PHKA1: variants seen among roughly 807,000 people sequenced by gnomAD.
The protein encoded by PHKA1 is phosphorylase kinase regulatory subunit alpha 1.
Under a neutral mutation model 110.2 loss-of-function variants are expected in PHKA1, and 60 were observed. The observed-to-expected ratio is 0.54, with a 90% CI of 0.44 to 0.68. PHKA1 has a LOEUF of 0.68. Ranked by LOEUF, PHKA1 falls within the 30% of genes least tolerant of loss-of-function variation. The pLI, the probability that PHKA1 is intolerant of heterozygous loss-of-function variation, is 0.00. For missense variants in PHKA1, 801 were observed against 942.5 expected (o/e 0.85, Z 1.97); for synonymous variants, 316 against 333.6 (o/e 0.95, Z 0.58).
At chrX:72,710,847 T>A (rs1372122210) in intron 2 of PHKA1, among the ~76,000 whole-genome samples, 6 of 97,197 alleles carry the variant, frequency 6.2e-5, no homozygotes, top group African/African-American at 2.2e-4. Context: ...TTTATTTTTT[T>A]TTTTATTTTT....
chrX:72,656,916 T>C (rs2053503805), intron 9 of PHKA1, among the ~76,000 whole-genome samples: 1 of 111,367 alleles, frequency 9.0e-6, no homozygotes, highest in Non-Finnish European at 1.9e-5. Flanking sequence ...AGAAGTCAAA[T>C]TCAAGGCTAA....
At chrX:72,705,082 T>C in intron 3 of PHKA1, 116 bp downstream of exon 3, 1 of 574,315 alleles carries the variant, frequency 1.7e-6, no homozygotes, top group East Asian at 4.3e-5. Flanking sequence ...TTTCTAAAAT[T>C]AGTGTGTACT....
chrX:72,601,895 CTTG>C lies in PHKA1; in HGVS notation c.3072+93_3072+95del, dbSNP rs781954080. The C allele has an allele frequency of 1.7e-3, 1,095 of 625,852 alleles. 12 individuals are homozygous for C. In the Middle Eastern group the frequency reaches 0.022, roughly 12 times the overall value. The allele number at this position is 625,852 out of a possible 1,213,427, so 51.6% of individuals were successfully genotyped here. ...GCGATTCAAACAATCTACTCCATGACTTGTTATCTTATTTGTAAAAAGGCCATG... is the reference window on the plus strand; with the variant it reads ...GCGATTCAAACAATCTACTCCATGACTTATCTTATTTGTAAAAAGGCCATG... On this transcript the variant is annotated intron_variant, in intron 28 of 31. Transcript: ENST00000373542.
chrX:72,586,720 T>G (rs2052436125), intron 29 of PHKA1, among the ~76,000 whole-genome samples: 1 of 109,394 alleles, frequency 9.1e-6, no homozygotes, highest in African/African-American at 3.3e-5. Context: ...GAATAAACAG[T>G]GGAGAGAAGA....
chrX:72,668,086 G>A (rs782156894), intron 6 of PHKA1, among the ~76,000 whole-genome samples: 2 of 111,723 alleles, frequency 1.8e-5, no homozygotes, highest in South Asian at 3.7e-4. Flanking sequence ...CTATAATAAA[G>A]TATATTTAGC....
chrX:72,668,795 A>G (rs1222514910), intron 6 of PHKA1, among the ~76,000 whole-genome samples: 1 of 111,757 alleles, frequency 8.9e-6, no homozygotes, highest in African/African-American at 3.3e-5. Context: ...CCATAGCCTC[A>G]AAGTCTTAAT....
At position 72,671,393 on chromosome X, in the gene PHKA1, C is replaced by T. The variant is rs1294270389; in HGVS notation, c.619-3920G>A. Among the ~76,000 whole-genome samples, 4 of 110,734 alleles carry T rather than the reference C, an allele frequency of 3.6e-5. No individual in the cohort carries two copies. The East Asian group carries it at 8.4e-4, about 23-fold the overall frequency. On this transcript the variant is annotated intron_variant, in intron 6 of 31. Coordinates refer to ENST00000373542, the MANE Select transcript of PHKA1 (RefSeq NM_002637.4). ...CCAACTTACAAGGGATGTGAAGGAC[C>T]TCTTCAAGGAGAACTACAAACCACT...
Position 72,605,628 on chromosome X carries a change from A to G in PHKA1, c.2607-9T>C. On this transcript the variant is annotated splice_polypyrimidine_tract_variant and intron_variant, in intron 23 of 31. Coordinates refer to ENST00000373542, the MANE Select transcript of PHKA1 (RefSeq NM_002637.4). ...CCTCATAGGGCAGAGGTCTAAGGAAAAAGACAGCAAAGAAAGACAATATTC... is the reference window on the plus strand; with the variant it reads ...CCTCATAGGGCAGAGGTCTAAGGAAGAAGACAGCAAAGAAAGACAATATTC... 1 of 1,153,340 alleles carries G rather than the reference A, an allele frequency of 8.7e-7. No homozygotes were observed. The highest frequency in any genetic ancestry group is 3.0e-5 in the East Asian group (1 of 33,634).
At chrX:72,662,764 A>G (rs1556304767) in intron 8 of PHKA1, among the ~76,000 whole-genome samples, 1 of 111,787 alleles carries the variant, frequency 8.9e-6, no homozygotes, top group Non-Finnish European at 1.9e-5. Context: ...AGCCTAGGCC[A>G]TTGAGGTACT....
chrX:72,581,202 C>A, intron 31 of PHKA1, 27 bp from the exon 32 acceptor site: 1 of 1,049,253 alleles, frequency 9.5e-7, no homozygotes, highest in Non-Finnish European at 1.3e-6. Context: ...GGTAGAAGAA[C>A]ATAGGGGAAA....
intron 2 of PHKA1, among the ~76,000 whole-genome samples, chrX:72,709,916 G>A (rs1556333797): frequency 1.8e-5 from 2 of 108,517 alleles, no homozygotes; most frequent in African/African-American, 6.7e-5. Context: ...GGTGGTGCAC[G>A]CCTGTGATCC....
At chrX:72,584,726 A>C (rs2052390335) in intron 29 of PHKA1, among the ~76,000 whole-genome samples, 1 of 106,932 alleles carries the variant, frequency 9.4e-6, no homozygotes, top group Admixed American at 1.1e-4. Flanking sequence ...AGTGAGCAAA[A>C]GTTTTCCTTT....
intron 6 of PHKA1, among the ~76,000 whole-genome samples, chrX:72,671,003 G>A (rs1273945989): frequency 1.3e-4 from 14 of 111,698 alleles, no homozygotes; most frequent in African/African-American, 4.6e-4. Context: ...AAAACAGGAA[G>A]CATTCCCTTT....
At chrX:72,634,276 A>C (rs951695086) in intron 16 of PHKA1, among the ~76,000 whole-genome samples, 1 of 111,995 alleles carries the variant, frequency 8.9e-6, no homozygotes, top group African/African-American at 3.2e-5. Context: ...AGAAAGACAA[A>C]GAGAAGAAAG....
intron 1 of PHKA1, 101 bp downstream of exon 1, chrX:72,713,682 ACACACACACACACACACACC>A (rs2054417768): frequency 7.1e-6 from 4 of 562,812 alleles, no homozygotes; most frequent in Non-Finnish European, 1.2e-5. Context: ...ACACACACAC[ACACACACACACACACACACC>A]CACACACGCA....
At chrX:72,609,730 G>A (rs143919915) in intron 22 of PHKA1, 27 bp from the exon 23 acceptor site, 30 of 1,069,321 alleles carry the variant, frequency 2.8e-5, no homozygotes, top group African/African-American at 7.3e-5. Flanking sequence ...TAATATTATC[G>A]TTTCTGTAAC....
chrX:72,643,391 T>C (rs1395364504), intron 14 of PHKA1, among the ~76,000 whole-genome samples: 1 of 111,883 alleles, frequency 8.9e-6, no homozygotes, highest in Non-Finnish European at 1.9e-5. Context: ...CTATTGGTTC[T>C]ATAACAAATT....
intron 13 of PHKA1, among the ~76,000 whole-genome samples, chrX:72,648,254 G>A (rs2053384870): frequency 9.0e-6 from 1 of 111,590 alleles, no homozygotes; most frequent in Admixed American, 9.5e-5. Context: ...ACATCAGAAG[G>A]AAGACTTGTC....
At chrX:72,596,926 T>C (rs1336494952) in intron 28 of PHKA1, among the ~76,000 whole-genome samples, 1 of 112,290 alleles carries the variant, frequency 8.9e-6, no homozygotes, top group Non-Finnish European at 1.9e-5. Flanking sequence ...TATAGATCGA[T>C]GGAATAGAAC....
Sources: allele counts gnomAD v4.1 joint callset (sites outside exome capture counted in the v4.1 genomes callset), GRCh38; gene constraint gnomAD v4.1.1; transcripts MANE v1.5; gene names NCBI Gene and HGNC (gene_info 2026-07-23, HGNC 2026-07-21).